SLC25A48: variants seen among roughly 807,000 people sequenced by gnomAD.
SLC25A48 encodes CTC-321K16.1.
In SLC25A48, 29 loss-of-function variants were observed where a neutral mutation model predicts 32.2. The observed-to-expected ratio is 0.90, with a 90% CI of 0.67 to 1.23. The LOEUF is 1.23. Among genes scored for constraint, SLC25A48 ranks in the 50% most tolerant of loss-of-function variants. The pLI, the probability that SLC25A48 is intolerant of heterozygous loss-of-function variation, is 0.00. For missense variants in SLC25A48, 399 were observed against 422.7 expected, an observed-to-expected ratio of 0.94 and a Z score of 0.49; for synonymous variants, 164 against 172.3, an observed-to-expected ratio of 0.95 and a Z score of 0.38.
chr5:135,645,116 A>C (rs1393276580), intron 3 of SLC25A48, among the ~76,000 whole-genome samples: 1 of 152,144 alleles, frequency 6.6e-6, no homozygotes, highest in East Asian at 1.9e-4. Context: ...CAGCCAATTA[A>C]ATGGCGTACG....
chr5:135,632,183 T>C (rs1355573137), intron 2 of SLC25A48, among the ~76,000 whole-genome samples: 1 of 152,208 alleles, frequency 6.6e-6, no homozygotes, highest in Admixed American at 6.5e-5. Flanking sequence ...AGATTCTGTC[T>C]TCTGTACTAC....
At chr5:135,680,732 T>C (rs1436176804) in intron 3 of SLC25A48, among the ~76,000 whole-genome samples, 1 of 152,192 alleles carries the variant, frequency 6.6e-6, no homozygotes, top group East Asian at 1.9e-4. Context: ...ATGATTCAAT[T>C]ATCTCCCACC....
intron 3 of SLC25A48, among the ~76,000 whole-genome samples, chr5:135,707,042 AG>A (rs1431914786): frequency 6.6e-6 from 1 of 152,100 alleles, no homozygotes; most frequent in East Asian, 1.9e-4. Flanking sequence ...GGGCTTTGAG[AG>A]GGGGCACTTC....
At chr5:135,809,444 T>G (rs184283963) in intron 3 of SLC25A48, among the ~76,000 whole-genome samples, 1 of 152,348 alleles carries the variant, frequency 6.6e-6, no homozygotes, top group Admixed American at 6.5e-5. Context: ...ACATGATCTC[T>G]GCCTTCTGAG....
At chr5:135,881,605 A>G (rs972253429) in intron 7 of SLC25A48, among the ~76,000 whole-genome samples, 3 of 152,230 alleles carry the variant, frequency 2.0e-5, no homozygotes, top group African/African-American at 7.2e-5. Flanking sequence ...CAGGATAGGG[A>G]AGGAATTCAT....
At chr5:135,681,783 C>G (rs559673125) in intron 3 of SLC25A48, among the ~76,000 whole-genome samples, 25 of 152,300 alleles carry the variant, frequency 1.6e-4, no homozygotes, top group Admixed American at 1.6e-3. Context: ...AGAACAGCCT[C>G]TAGTCTAAGA....
At chr5:135,876,125 C>CTTTTTTT (rs1762015222) in intron 6 of SLC25A48, 2 of 74,754 alleles carry the variant, frequency 2.7e-5, no homozygotes, top group Non-Finnish European at 4.6e-5. Context: ...TCTTTTTTTT[C>CTTTTTTT]TTCTTCTTTT....
Position 135,822,955 on chromosome 5 carries a change from C to G in SLC25A48, c.-117+10029C>G, listed in dbSNP as rs143582103. ...CAGCAAAGATGGCCCTGAGCTGGGT[C>G]TCTGGGACTTGGAGGAGGGGGCCTG... On this transcript the variant is annotated intron_variant, in intron 4 of 10. Coordinates refer to the SLC25A48 transcript ENST00000646290. Among the ~76,000 whole-genome samples the G allele has an allele frequency of 2.1e-3, 323 of 152,230 alleles. 1 individual carries two copies. The highest frequency in any genetic ancestry group is 7.2e-3 in the African/African-American group (300 of 41,542).
chr5:135,730,157 T>C (rs912586463), intron 3 of SLC25A48, among the ~76,000 whole-genome samples: 1 of 152,232 alleles, frequency 6.6e-6, no homozygotes, highest in Non-Finnish European at 1.5e-5. Flanking sequence ...TTTTTCTTTA[T>C]GACTATTCTC....
In SLC25A48 at chr5:135,834,955, T is replaced by A. The variant is rs561466948; in HGVS notation, c.46+62T>A. On this transcript the variant is annotated intron_variant, in intron 1 of 7. Transcript: ENST00000681962. ...GCGAGCCTGGCGGAGTTTGCCTCTA[T>A]GCTCTGAGGAAACTTTGCCTCTGTG... 3.9e-5 allele frequency: 60 copies of A among 1,549,282 alleles called. No individual in the cohort carries two copies. The East Asian group carries it at 7.9e-4, about 20-fold the overall frequency.
intron 1 of SLC25A48, among the ~76,000 whole-genome samples, chr5:135,616,734 T>G (rs1752199982): frequency 6.6e-6 from 1 of 152,178 alleles, no homozygotes; most frequent in African/African-American, 2.4e-5. Context: ...ATTATTGTAT[T>G]TTGCAATGTG....
chr5:135,849,463 C>T (rs962757562), intron 2 of SLC25A48, among the ~76,000 whole-genome samples: 1 of 152,186 alleles, frequency 6.6e-6, no homozygotes, highest in Non-Finnish European at 1.5e-5. Flanking sequence ...CTCAGACCCT[C>T]TATGCCTGTC....
chr5:135,737,050 C>T (rs1165420584), intron 3 of SLC25A48, among the ~76,000 whole-genome samples: 1 of 152,186 alleles, frequency 6.6e-6, no homozygotes, highest in Non-Finnish European at 1.5e-5. Context: ...GGATTGATCT[C>T]CCGAGGGAGG....
chr5:135,761,540 A>C (rs1756060185), intron 3 of SLC25A48, among the ~76,000 whole-genome samples: 1 of 152,214 alleles, frequency 6.6e-6, no homozygotes, highest in South Asian at 2.1e-4. Context: ...CCATAAAACT[A>C]ACCAAAAATG....
intron 1 of SLC25A48, among the ~76,000 whole-genome samples, chr5:135,587,246 G>A (rs750374784): frequency 6.6e-5 from 10 of 152,206 alleles, no homozygotes; most frequent in Admixed American, 2.6e-4. Flanking sequence ...TTGCCCTGGC[G>A]TGTCTTGAAT....
intron 3 of SLC25A48, among the ~76,000 whole-genome samples, chr5:135,805,880 G>C (rs1474407190): frequency 2.0e-5 from 3 of 151,562 alleles, no homozygotes; most frequent in African/African-American, 7.3e-5. Flanking sequence ...TGTATACCCT[G>C]TGATATTATT....
At chr5:135,848,586 G>T (rs1759598151) in intron 2 of SLC25A48, among the ~76,000 whole-genome samples, 1 of 152,066 alleles carries the variant, frequency 6.6e-6, no homozygotes, top group Admixed American at 6.6e-5. Context: ...TGTAGTACTT[G>T]TCTTCATCTA....
intron 3 of SLC25A48, among the ~76,000 whole-genome samples, chr5:135,706,539 G>A (rs556925982): frequency 1.1e-4 from 17 of 152,118 alleles, no homozygotes; most frequent in Non-Finnish European, 1.9e-4. Flanking sequence ...CATCATCAGC[G>A]CGTTGCCATT....
chr5:135,735,712 G>A (rs983614096), intron 3 of SLC25A48, among the ~76,000 whole-genome samples: 1 of 152,128 alleles, frequency 6.6e-6, no homozygotes, highest in African/African-American at 2.4e-5. Context: ...TTGGGCCAGA[G>A]AAAAAATTTC....
Sources: allele counts gnomAD v4.1 joint callset (sites outside exome capture counted in the v4.1 genomes callset), GRCh38; gene constraint gnomAD v4.1.1; transcripts MANE v1.5; gene names NCBI Gene and HGNC (gene_info 2026-07-23, HGNC 2026-07-21).